Variants in PBX3 observed in about 807,000 individuals in gnomAD.
The protein encoded by PBX3 is pre-B-cell leukemia transcription factor 3.
In PBX3, 14 loss-of-function variants were observed where a neutral mutation model predicts 48.5. The ratio of observed to expected loss-of-function variants is 0.29; its 90% confidence interval spans 0.19 to 0.45. PBX3 has a LOEUF of 0.45. Among genes scored for constraint, PBX3 ranks in the 20% least tolerant of loss-of-function variants. PBX3 has a pLI of 1.00. For synonymous variants in PBX3, 210 were observed against 200.3 expected (o/e 1.05, Z -0.41); for missense variants, 386 against 546.7 (o/e 0.71, Z 2.93).
intron 2 of PBX3, among the ~76,000 whole-genome samples, chr9:125,780,195 T>A (rs1239690121): frequency 6.1e-5 from 5 of 82,430 alleles, no homozygotes; most frequent in African/African-American, 1.9e-4. Context: ...GAGGTGCTGA[T>A]CCCCCCACCT....
At chr9:125,751,781 C>T (rs958083246) in intron 2 of PBX3, among the ~76,000 whole-genome samples, 1 of 152,170 alleles carries the variant, frequency 6.6e-6, no homozygotes, top group African/African-American at 2.4e-5. Flanking sequence ...TCATCTGTCT[C>T]TTATTAAATA....
chr9:125,928,794 C>T (rs1243206684), intron 3 of PBX3, among the ~76,000 whole-genome samples: 1 of 152,080 alleles, frequency 6.6e-6, no homozygotes, highest in Non-Finnish European at 1.5e-5. Flanking sequence ...AGTTTGAGAC[C>T]CAGATCTGAT....
intron 2 of PBX3, among the ~76,000 whole-genome samples, chr9:125,872,749 G>A (rs1840156525): frequency 6.6e-6 from 1 of 151,340 alleles, no homozygotes; most frequent in East Asian, 1.9e-4. Context: ...GAAAGAGTGA[G>A]ATCTCGTCTC....
At chr9:125,934,975 T>C (rs1841801790) in intron 4 of PBX3, among the ~76,000 whole-genome samples, 1 of 152,222 alleles carries the variant, frequency 6.6e-6, no homozygotes, top group Admixed American at 6.5e-5. Flanking sequence ...AGTTTCCTAT[T>C]GCACTCAGCA....
chr9:125,765,665 T>C (rs1031297885), intron 2 of PBX3, among the ~76,000 whole-genome samples: 1 of 152,194 alleles, frequency 6.6e-6, no homozygotes, highest in African/African-American at 2.4e-5. Context: ...TTCTTAGAAG[T>C]AGACAACTGA....
intron 2 of PBX3, among the ~76,000 whole-genome samples, chr9:125,762,725 C>T (rs1200718614): frequency 6.6e-6 from 1 of 152,158 alleles, no homozygotes; most frequent in Non-Finnish European, 1.5e-5. Context: ...GTAGCATCGA[C>T]AGATCCACTT....
chr9:125,945,163 G>A (rs1300268642), intron 5 of PBX3, among the ~76,000 whole-genome samples: 1 of 151,934 alleles, frequency 6.6e-6, no homozygotes, highest in African/African-American at 2.4e-5. Flanking sequence ...GGCGGAGTTT[G>A]CAGTGAGCCG....
rs141326081 is a variant in PBX3 at position 125,760,215 on chromosome 9, C to T, written c.274+11592C>T. Among the ~76,000 whole-genome samples the T allele has an allele frequency of 8.1e-4, 124 of 152,310 alleles. 2 individuals are homozygous for T. In the East Asian group the frequency reaches 0.022, roughly 27 times the overall value. ...TTACTTTCTATTTTAAAGTTCATCTCAACATTTTTCTCTTAAAATAGAAAA... is the reference window on the plus strand; with the variant it reads ...TTACTTTCTATTTTAAAGTTCATCTTAACATTTTTCTCTTAAAATAGAAAA... On this transcript the variant is annotated intron_variant, in intron 2 of 8. Transcript: ENST00000373489.
intron 2 of PBX3, among the ~76,000 whole-genome samples, chr9:125,800,730 A>G (rs1222240372): frequency 6.6e-6 from 1 of 151,180 alleles, no homozygotes; most frequent in Non-Finnish European, 1.5e-5. Context: ...GAGGAACACT[A>G]ATCTGAGCGC....
At chr9:125,899,583 A>G (rs975165320) in intron 2 of PBX3, among the ~76,000 whole-genome samples, 4 of 150,932 alleles carry the variant, frequency 2.7e-5, no homozygotes, top group African/African-American at 9.7e-5. Context: ...TGCAGTTGAT[A>G]GTCTTACAGC....
chr9:125,753,053 C>T (rs117949243), intron 2 of PBX3, among the ~76,000 whole-genome samples: 4,205 of 152,224 alleles, frequency 0.028, 79 homozygotes, highest in Middle Eastern at 0.058. Context: ...CAGCAATTAG[C>T]AATACTTGGC....
At chr9:125,830,998 G>T (rs1838946378) in intron 2 of PBX3, among the ~76,000 whole-genome samples, 1 of 152,116 alleles carries the variant, frequency 6.6e-6, no homozygotes, top group African/African-American at 2.4e-5. Context: ...GTATCTCCGT[G>T]CAGATTCACA....
intron 5 of PBX3, among the ~76,000 whole-genome samples, chr9:125,946,104 A>G (rs1016065084): frequency 5.3e-5 from 8 of 152,308 alleles, no homozygotes; most frequent in Non-Finnish European, 1.2e-4. Flanking sequence ...GTTAGGACTT[A>G]AACTGCTTAG....
intron 2 of PBX3, among the ~76,000 whole-genome samples, chr9:125,913,277 T>G (rs1159098259): frequency 6.6e-6 from 1 of 152,152 alleles, no homozygotes; most frequent in East Asian, 1.9e-4. Context: ...AAGGATTGCA[T>G]TAAAACATAT....
At chr9:125,947,602 AAG>A (rs1842094232) in intron 5 of PBX3, among the ~76,000 whole-genome samples, 1 of 152,184 alleles carries the variant, frequency 6.6e-6, no homozygotes, top group South Asian at 2.1e-4. Context: ...GCAAGGAAAA[AAG>A]AGAAAATGCA....
intron 2 of PBX3, among the ~76,000 whole-genome samples, chr9:125,804,151 A>G (rs1392784140): frequency 6.6e-6 from 1 of 152,246 alleles, no homozygotes; most frequent in African/African-American, 2.4e-5. Flanking sequence ...GGTGAAGACT[A>G]AATAGGTTAT....
Position 125,771,530 on chromosome 9 carries a change from G to A in PBX3, c.274+22907G>A, listed in dbSNP as rs529999428. 3.3e-5 allele frequency among the ~76,000 whole-genome samples: 5 copies of A among 152,174 alleles called. No homozygotes were observed. In the South Asian group the frequency reaches 8.3e-4, roughly 25 times the overall value. ...ATTAATATAAAATTCCCATTAAAAT[G>A]GTGCAAATAATAGAGGAACAAGAAG... On this transcript the variant is annotated intron_variant, in intron 2 of 8. Coordinates refer to ENST00000373489, the MANE Select transcript of PBX3 (RefSeq NM_006195.6).
At chr9:125,756,617 A>G (rs1056205124) in intron 2 of PBX3, among the ~76,000 whole-genome samples, 1 of 152,282 alleles carries the variant, frequency 6.6e-6, no homozygotes, top group Non-Finnish European at 1.5e-5. Flanking sequence ...CCAGTAAACC[A>G]TATCTTCTCT....
intron 2 of PBX3, among the ~76,000 whole-genome samples, chr9:125,779,255 T>TG (rs986022370): frequency 6.6e-6 from 1 of 150,874 alleles, no homozygotes; most frequent in Admixed American, 6.6e-5. Flanking sequence ...CTTTTTTTTT[T>TG]TTTTTTAATT....
Sources: allele counts gnomAD v4.1 joint callset (sites outside exome capture counted in the v4.1 genomes callset), GRCh38; gene constraint gnomAD v4.1.1; transcripts MANE v1.5; gene names NCBI Gene and HGNC (gene_info 2026-07-23, HGNC 2026-07-21).